The following TTC17 variants were observed in gnomAD, a reference collection of about 807,000 sequenced individuals.
TTC17 encodes tetratricopeptide repeat domain 17, also known as tetratricopeptide repeat protein 17.
A neutral mutation model predicts 143.8 loss-of-function variants in TTC17; 58 were observed. The ratio of observed to expected loss-of-function variants is 0.40; its 90% CI spans 0.33 to 0.50. TTC17 has a LOEUF of 0.50. Among genes scored for constraint, TTC17 ranks in the 20% least tolerant of loss-of-function variants. The probability of loss-of-function intolerance (pLI) is 0.49; values close to 1 mark genes in which losing one functional copy is unlikely to be tolerated. For missense variants in TTC17, 1,273 were observed against 1,392.5 expected (o/e 0.91, Z 1.37); for synonymous variants, 501 against 497.8 (o/e 1.01, Z -0.09).
intron 1 of TTC17, among the ~76,000 whole-genome samples, chr11:43,372,482 T>TATTTATTTA (rs1554983137): frequency 6.9e-6 from 1 of 145,854 alleles, no homozygotes; most frequent in Non-Finnish European, 1.5e-5. Context: ...TATTTTTATT[T>TATTTATTTA]TTTATTTATT....
intron 16 of TTC17, among the ~76,000 whole-genome samples, chr11:43,420,057 TAACA>T (rs780358395): frequency 3.3e-5 from 5 of 152,248 alleles, no homozygotes; most frequent in South Asian, 2.1e-4. Flanking sequence ...GTTATTTGGT[TAACA>T]AACAGTTTTT....
intron 16 of TTC17, among the ~76,000 whole-genome samples, chr11:43,430,872 G>T (rs1440053807): frequency 1.3e-5 from 2 of 152,154 alleles, no homozygotes; most frequent in Middle Eastern, 3.4e-3. Context: ...GTGCAACGGT[G>T]GTTTGCTGCA....
chr11:43,424,999 T>C (rs1163392466), intron 16 of TTC17, among the ~76,000 whole-genome samples: 1 of 152,216 alleles, frequency 6.6e-6, no homozygotes, highest in Non-Finnish European at 1.5e-5. Flanking sequence ...GACTTCTTGT[T>C]ATATACACTT....
chr11:43,368,597 C>T (rs1211358346), intron 1 of TTC17, among the ~76,000 whole-genome samples: 7 of 152,184 alleles, frequency 4.6e-5, no homozygotes. Flanking sequence ...CTTTGCAGAA[C>T]CTATGCAGTG....
intron 21 of TTC17, among the ~76,000 whole-genome samples, chr11:43,459,614 A>G (rs1233321838): frequency 6.6e-6 from 1 of 152,222 alleles, no homozygotes; most frequent in Admixed American, 6.5e-5. Context: ...TTAGAGTCAT[A>G]TATGTCTTTT....
At chr11:43,377,121 A>G (rs1856790097) in intron 1 of TTC17, among the ~76,000 whole-genome samples, 1 of 152,032 alleles carries the variant, frequency 6.6e-6, no homozygotes, top group Non-Finnish European at 1.5e-5. Context: ...GTGAAACTCC[A>G]TCTCTACTAA....
chr11:43,454,378 C>A (rs10501300), intron 21 of TTC17, among the ~76,000 whole-genome samples: 7 of 151,592 alleles, frequency 4.6e-5, no homozygotes, highest in Admixed American at 3.3e-4. Context: ...TCCTAAATAC[C>A]AAAAGATAAC....
chr11:43,444,384 C>T (rs958436733), intron 18 of TTC17, 175 bp downstream of exon 18: 13 of 524,386 alleles, frequency 2.5e-5, no homozygotes, highest in Admixed American at 4.3e-5. Flanking sequence ...AACTCTAAAA[C>T]ATTATGGAAA....
chr11:43,491,207 A>G (rs1948469723), intron 22 of TTC17: 1 of 152,228 alleles, frequency 6.6e-6, no homozygotes, highest in Non-Finnish European at 1.5e-5. Flanking sequence ...GGCTGTCACA[A>G]AGATGGGTCC....
At chr11:43,467,176 A>G (rs1485264651) in intron 21 of TTC17, among the ~76,000 whole-genome samples, 1 of 152,238 alleles carries the variant, frequency 6.6e-6, no homozygotes, top group Non-Finnish European at 1.5e-5. Flanking sequence ...TCCTGGATAT[A>G]TATCCAAAAG....
chr11:43,368,416 C>G (rs1856434501), intron 1 of TTC17, among the ~76,000 whole-genome samples: 1 of 152,134 alleles, frequency 6.6e-6, no homozygotes, highest in African/African-American at 2.4e-5. Flanking sequence ...CTGATCTTCC[C>G]CCATTCACAA....
intron 21 of TTC17, among the ~76,000 whole-genome samples, chr11:43,459,332 G>C (rs959496386): frequency 2.0e-5 from 3 of 152,204 alleles, no homozygotes; most frequent in African/African-American, 7.2e-5. Flanking sequence ...GTTCTCTGAA[G>C]TTGGCTCCCT....
intron 16 of TTC17, among the ~76,000 whole-genome samples, chr11:43,419,767 C>T (rs1485838728): frequency 6.6e-6 from 1 of 152,112 alleles, no homozygotes; most frequent in African/African-American, 2.4e-5. Flanking sequence ...TCATAGCACA[C>T]CATAGCTTCT....
rs192526745 is a variant in TTC17, at chr11:43,396,555, A to G, written c.664-154A>G. ...CTTCTGACAGGTATAGTTTCTTTGC[A>G]CTGTGTCCTGTTCTTTATCATTGCT... On this transcript the variant is annotated intron_variant, in intron 5 of 23. Transcript: ENST00000039989. The G allele has an allele frequency of 1.1e-4, 49 of 440,210 alleles. No individual in the cohort carries two copies. In the East Asian group the frequency reaches 1.5e-3, roughly 14 times the overall value. The allele number at this position is 440,210 out of a possible 1,614,324, so 27.3% of individuals were successfully genotyped here.
chr11:43,422,283 AT>A (rs1049168005), intron 16 of TTC17, among the ~76,000 whole-genome samples: 4 of 152,164 alleles, frequency 2.6e-5, no homozygotes, highest in African/African-American at 9.7e-5. Flanking sequence ...AAAGGAGCAG[AT>A]TTGGGGAGAA....
At chr11:43,360,185 C>T (rs545389618) in intron 1 of TTC17, among the ~76,000 whole-genome samples, 103 of 152,192 alleles carry the variant, frequency 6.8e-4, no homozygotes, top group South Asian at 3.1e-3. Context: ...TTAGATTTGC[C>T]GTGTAATGTA....
intron 21 of TTC17, among the ~76,000 whole-genome samples, chr11:43,466,024 G>C (rs1947965430): frequency 6.6e-6 from 1 of 152,122 alleles, no homozygotes; most frequent in African/African-American, 2.4e-5. Context: ...ATATTTGCAA[G>C]TCATACATCT....
intron 21 of TTC17, among the ~76,000 whole-genome samples, chr11:43,459,132 T>C (rs1947818028): frequency 6.6e-6 from 1 of 152,090 alleles, no homozygotes; most frequent in African/African-American, 2.4e-5. Flanking sequence ...AAGTTATTGG[T>C]CCTATCCACC....
chr11:43,435,888 C>T (rs1443883412), intron 16 of TTC17, among the ~76,000 whole-genome samples: 1 of 152,136 alleles, frequency 6.6e-6, no homozygotes, highest in African/African-American at 2.4e-5. Context: ...ATGAATGGAA[C>T]AAGGTCTTGG....
Sources: gnomAD v4.1 joint callset for allele counts (sites outside exome capture counted in the v4.1 genomes callset) on GRCh38, gnomAD v4.1.1 for gene constraint, MANE v1.5 for transcripts, NCBI Gene and HGNC (gene_info 2026-07-23, HGNC 2026-07-21) for gene names.